HHIPL1: variants seen among roughly 807,000 people sequenced by gnomAD.
The protein encoded by HHIPL1 is HHIP like 1.
Under a neutral mutation model 61.8 loss-of-function variants are expected in HHIPL1, and 43 were observed. The observed-to-expected ratio is 0.70, with a 90% CI of 0.55 to 0.90. The LOEUF (loss-of-function observed/expected upper bound fraction) is 0.90. HHIPL1 is among the 40% of genes least tolerant of loss of function. The pLI is 0.00. For missense variants in HHIPL1, 1,056 were observed against 1,157.7 expected (o/e 0.91, Z 1.28); for synonymous variants, 482 against 515.8 (o/e 0.93, Z 0.89).
At chr14:99,635,640 T>G in the HHIPL1 span, among the ~76,000 whole-genome samples, 1 of 151,658 alleles carries the variant, frequency 6.6e-6, no homozygotes, top group South Asian at 2.1e-4. Context: ...CCTGCAGTGG[T>G]GAGCCCATCT....
the HHIPL1 span, among the ~76,000 whole-genome samples, chr14:99,639,160 G>A: frequency 7.0e-4 from 107 of 152,228 alleles, 1 homozygote; most frequent in Admixed American, 1.1e-3. Context: ...CCGGGGAACC[G>A]GGTTCTGGCT....
the HHIPL1 span, among the ~76,000 whole-genome samples, chr14:99,621,158 G>T: frequency 4.0e-5 from 6 of 151,284 alleles, no homozygotes; most frequent in Non-Finnish European, 7.4e-5. Flanking sequence ...GAGTGCAGTG[G>T]TGCAATCTCA....
At chr14:99,648,645 C>A (rs1485385370) in intron 1 of HHIPL1, among the ~76,000 whole-genome samples, 1 of 152,152 alleles carries the variant, frequency 6.6e-6, no homozygotes, top group Non-Finnish European at 1.5e-5. Context: ...GAGTGAGTGT[C>A]GTGTCTGAGA....
the HHIPL1 span, among the ~76,000 whole-genome samples, chr14:99,629,035 C>A: frequency 6.6e-6 from 1 of 152,176 alleles, no homozygotes. Flanking sequence ...CCTAGCGGCC[C>A]GAGGAGTTGC....
chr14:99,644,464 G>A (rs993918256), upstream of HHIPL1, among the ~76,000 whole-genome samples: 1 of 151,768 alleles, frequency 6.6e-6, no homozygotes, highest in Admixed American at 6.6e-5. Flanking sequence ...GTATGTGTGT[G>A]GGGGGGTGGG....
chr14:99,634,075 C>T, the HHIPL1 span, among the ~76,000 whole-genome samples: 1 of 152,214 alleles, frequency 6.6e-6, no homozygotes, highest in African/African-American at 2.4e-5. Flanking sequence ...CAGAGCGTTT[C>T]TGCAGAGGCG....
the HHIPL1 span, among the ~76,000 whole-genome samples, chr14:99,614,408 CTG>C: frequency 3.3e-5 from 5 of 152,174 alleles, no homozygotes; most frequent in East Asian, 9.6e-4. Flanking sequence ...CACAGAGCCC[CTG>C]TGAGCAAATC....
chr14:99,612,844 C>A, the HHIPL1 span, among the ~76,000 whole-genome samples: 1 of 152,278 alleles, frequency 6.6e-6, no homozygotes, highest in Admixed American at 6.5e-5. Flanking sequence ...AGCCTCTGGA[C>A]GGCTCACGTC....
In HHIPL1 at chr14:99,675,835, C is replaced by T; in HGVS notation, c.*209C>T. The T allele has an allele frequency of 4.3e-6, 2 of 468,616 alleles. No homozygotes were observed. Among genetic ancestry groups the T allele is most frequent in the Non-Finnish European group, 3.7e-6 (1 of 271,936 alleles). 29.0% of individuals were successfully genotyped at this position (468,616 alleles called of 1,614,324 possible). ...GTGTGTGTTGGGGGCGGTGTGGGCT[C>T]TGGAAGTGCATGGTCCATCATGGGC... On this transcript the variant is annotated 3_prime_UTR_variant, in exon 9 of 9. Transcript: ENST00000330710. The surrounding 1 kb of genome is among the most constrained non-coding windows in gnomAD (Gnocchi z 5.4).
chr14:99,659,541 A>T lies in HHIPL1; in HGVS notation c.1160A>T (p.Glu387Val). Reference protein sequence around the residue: ...PFVGDPAAQPEVYALGVRNMW... With the variant: ...PFVGDPAAQPVVYALGVRNMW... ...GTGGGCGACCCCGCGGCGCAGCCCGAGGTCTACGCCCTGGGCGTGCGCAAC... is the reference window on the plus strand; with the variant it reads ...GTGGGCGACCCCGCGGCGCAGCCCGTGGTCTACGCCCTGGGCGTGCGCAAC... The change falls in exon 4 of 9, where the codon GAG (glutamate) becomes GTG (valine). Residue 387 changes from glutamate to valine, a missense_variant. Transcript: ENST00000330710. 5 of 1,546,306 alleles carry T rather than the reference A, an allele frequency of 3.2e-6. No individual in the cohort carries two copies. The highest frequency in any genetic ancestry group is 4.3e-6 in the Non-Finnish European group (5 of 1,149,836).
chr14:99,637,099 GGAA>G, the HHIPL1 span, among the ~76,000 whole-genome samples: 86 of 74,938 alleles, frequency 1.1e-3, 5 homozygotes, highest in East Asian at 6.1e-3. Context: ...AAAGAAGGAA[GGAA>G]AAAAGAAAGA....
At chr14:99,670,114 C>CT (rs766131828) in intron 7 of HHIPL1, among the ~76,000 whole-genome samples, 28,804 of 144,206 alleles carry the variant, frequency 0.2, 3,064 homozygotes, top group East Asian at 0.31. Context: ...CAGTCTTTTA[C>CT]TTTTTTTTTT....
Position 99,668,834 on chromosome 14 carries a change from G to C in HHIPL1, c.1730+531G>C. On this transcript the variant is annotated intron_variant, in intron 7 of 8. Coordinates refer to ENST00000330710, the MANE Select transcript of HHIPL1 (RefSeq NM_001127258.3). This position sits in a 1 kb window ranked among gnomAD's most constrained non-coding sequence, Gnocchi z 4.7. The stretch of plus-strand genomic sequence containing the variant: ...CATCTCCCCGGCTTCCCTTCTAGCT[G>C]TAAGGCCAGAAGCGCCATGCCCGGC... 1 of 1,613,644 alleles carries C rather than the reference G, an allele frequency of 6.2e-7. No individual in the cohort carries two copies. The highest frequency in any genetic ancestry group is 8.5e-7 in the Non-Finnish European group (1 of 1,179,996).
the HHIPL1 span, among the ~76,000 whole-genome samples, chr14:99,617,957 A>G: frequency 2.6e-5 from 4 of 152,194 alleles, no homozygotes; most frequent in African/African-American, 4.8e-5. Context: ...GATTTCTCCC[A>G]TGGCAGATGT....
chr14:99,628,550 G>C, the HHIPL1 span, among the ~76,000 whole-genome samples: 1,645 of 141,866 alleles, frequency 0.012, 41 homozygotes, highest in African/African-American at 0.042. Context: ...CATTGCACCC[G>C]AGCCTGGGCA....
chr14:99,661,777 C>T (rs924008337), intron 5 of HHIPL1, among the ~76,000 whole-genome samples: 8 of 152,164 alleles, frequency 5.3e-5, no homozygotes, highest in African/African-American at 1.4e-4. Context: ...GTGTTTCTTA[C>T]TTATTTCCAT....
chr14:99,668,762 T>A lies in HHIPL1; in HGVS notation c.1730+459T>A. 1.3e-6 allele frequency: 2 copies of A among 1,541,524 alleles called. No homozygotes were observed. The highest frequency in any genetic ancestry group is 2.2e-5 in the South Asian group (2 of 89,642). ...CCCGTGCCTGCCCTTCCTCCTGTGGTCCATCTTCCACTGGGGAAAACACAT... is the reference window on the plus strand; with the variant it reads ...CCCGTGCCTGCCCTTCCTCCTGTGGACCATCTTCCACTGGGGAAAACACAT... On this transcript the variant is annotated intron_variant, in intron 7 of 8. Coordinates refer to ENST00000330710, the MANE Select transcript of HHIPL1 (RefSeq NM_001127258.3). The surrounding 1 kb of genome is among the most constrained non-coding windows in gnomAD (Gnocchi z 4.7).
upstream of HHIPL1, among the ~76,000 whole-genome samples, chr14:99,642,749 C>T (rs1251899986): frequency 6.6e-6 from 1 of 152,080 alleles, no homozygotes; most frequent in East Asian, 1.9e-4. Context: ...TGATTTCGAT[C>T]TCCTGACATC....
At chr14:99,654,224 G>A (rs1315695086) in intron 2 of HHIPL1, among the ~76,000 whole-genome samples, 2 of 151,628 alleles carry the variant, frequency 1.3e-5, no homozygotes, top group African/African-American at 2.4e-5. Context: ...AAGAAAAAAG[G>A]CAACCTGGGG....
Sources: allele counts gnomAD v4.1 joint callset (sites outside exome capture counted in the v4.1 genomes callset), GRCh38; gene constraint gnomAD v4.1.1; non-coding constraint Gnocchi (gnomAD v3.1); transcripts MANE v1.5; gene names NCBI Gene and HGNC (gene_info 2026-07-23, HGNC 2026-07-21).